The following HCRTR1 variants were observed in gnomAD, a reference collection of about 807,000 sequenced individuals.
The protein encoded by HCRTR1 is orexin/Hypocretin receptor type 1.
In HCRTR1, 28 loss-of-function variants were observed where a neutral mutation model predicts 40.6. The ratio of observed to expected loss-of-function variants is 0.69; its 90% CI spans 0.51 to 0.95. The LOEUF (loss-of-function observed/expected upper bound fraction) is 0.95. Ranked by LOEUF, HCRTR1 falls within the 40% of genes least tolerant of loss-of-function variation. The probability of loss-of-function intolerance (pLI) is 0.00; values close to 1 mark genes in which losing one functional copy is unlikely to be tolerated. For missense variants in HCRTR1, 482 were observed against 564.7 expected (o/e 0.85, Z 1.48); for synonymous variants, 209 against 230.0 (o/e 0.91, Z 0.83).
chr1:31,626,784 AC>A lies in HCRTR1; in HGVS notation c.1088-4del, dbSNP rs1639986032. The A allele has an allele frequency of 1.9e-6, 3 of 1,612,028 alleles. No individual in the cohort carries two copies. The East Asian group carries it at 6.7e-5, about 36-fold the overall frequency. ...TTATGGCTGTGTCTTTTGTCTCCCA[AC>A]CAAGGCAAATTCCGGGAGCAGTTTA... On this transcript the variant is annotated splice_polypyrimidine_tract_variant and splice_region_variant and intron_variant, in intron 8 of 8. Coordinates refer to ENST00000403528, the MANE Select transcript of HCRTR1 (RefSeq NM_001525.3). This position sits in a 1 kb window ranked among gnomAD's most constrained non-coding sequence, Gnocchi z 4.6.
chr1:31,631,831 C>G (rs1301180937), downstream of HCRTR1, among the ~76,000 whole-genome samples: 3 of 152,198 alleles, frequency 2.0e-5, no homozygotes, highest in African/African-American at 4.8e-5. Context: ...CCACAGACCT[C>G]CTTAGTCTGA....
In HCRTR1 at chr1:31,618,877, A is replaced by G; in HGVS notation, c.-143+61A>G. The G allele has an allele frequency of 1.3e-5, 5 of 377,888 alleles. No individual in the cohort carries two copies. The South Asian group carries it at 1.5e-4, about 11-fold the overall frequency. 23.4% of individuals were successfully genotyped at this position (377,888 alleles called of 1,614,324 possible). A position where few individuals can be genotyped will look rare whatever the true frequency, so the allele number is the denominator to read the frequency against. ...AAACCAAGGCTGAAAGAGGCCAGGT[A>G]AGCTACCCAAGGCAACTGGTGTGGA... On this transcript the variant is annotated intron_variant, in intron 2 of 8. Coordinates refer to ENST00000403528, the MANE Select transcript of HCRTR1 (RefSeq NM_001525.3).
At chr1:31,630,889 A>AC (rs1557583307), downstream of HCRTR1, 1 of 1,449,918 alleles carries the variant, frequency 6.9e-7, no homozygotes, top group Admixed American at 1.9e-5. Context: ...ACCTGCCATG[A>AC]GCACCTCCAT....
At position 31,619,323 on chromosome 1, in the gene HCRTR1, A is replaced by C. The variant is rs991617465; in HGVS notation, c.131A>C (p.Gln44Pro). 1.9e-6 allele frequency: 3 copies of C among 1,614,092 alleles called. No homozygotes were observed. In the African/African-American group the frequency reaches 4.0e-5, roughly 22 times the overall value. ...YLWRDYLYPK[Q>P]YEWVLIAAYV... Reference sequence around the variant, plus strand: ...TGGCGCGATTATCTGTACCCAAAACAGTATGAGTGGGTCCTCATCGCAGCC... The same window carrying C: ...TGGCGCGATTATCTGTACCCAAAACCGTATGAGTGGGTCCTCATCGCAGCC... The change falls in exon 3 of 9, where the codon CAG (glutamine) becomes CCG (proline). Residue 44 changes from glutamine to proline, a missense_variant. Coordinates refer to ENST00000403528, the MANE Select transcript of HCRTR1 (RefSeq NM_001525.3).
rs2148612849 is a variant in HCRTR1 at position 31,627,437 on chromosome 1, C to G, written c.*457C>G. 1 of 1,081,638 alleles carries G rather than the reference C, an allele frequency of 9.2e-7. No individual in the cohort carries two copies. The highest frequency in any genetic ancestry group is 1.3e-5 in the South Asian group (1 of 76,868). The allele number at this position is 1,081,638 out of a possible 1,614,324, so 67.0% of individuals were successfully genotyped here. ...TGTTCTGATGCCTGTGTGAACTAAT[C>G]TGGGCCCAGCCTTTCTCCAGCGGGC... On this transcript the variant is annotated 3_prime_UTR_variant, in exon 9 of 9. Coordinates refer to ENST00000403528, the MANE Select transcript of HCRTR1 (RefSeq NM_001525.3).
In HCRTR1 at chr1:31,623,738, T is replaced by G. The variant is rs1365606335; in HGVS notation, c.954T>G (p.Asn318Lys). Residue 318 changes from asparagine to lysine, a missense_variant, in exon 7 of 9, where the codon AAT becomes AAG. Physicochemically the swap from Asn to Lys is moderately conservative, Grantham distance 94. Transcript: ENST00000403528. ...GCTACCTGCCCATCAGCGTCCTCAA[T>G]GTCCTTAAGAGGTGAGAGCACGGGG... ...ALCYLPISVL[N>K]VLKRVFGMFR... The G allele has an allele frequency of 1.9e-6, 3 of 1,613,684 alleles. No homozygotes were observed. The highest frequency in any genetic ancestry group is 1.6e-4 in the Middle Eastern group (1 of 6,062).
intron 6 of HCRTR1, 53 bp downstream of exon 6, chr1:31,621,645 G>A: frequency 1.5e-6 from 2 of 1,298,408 alleles, no homozygotes; most frequent in African/African-American, 1.5e-5. Flanking sequence ...GGCTGGGGGT[G>A]GGAGGGCTAC....
downstream of HCRTR1, among the ~76,000 whole-genome samples, chr1:31,628,097 G>T (rs1387735104): frequency 6.6e-6 from 1 of 152,162 alleles, no homozygotes; most frequent in Non-Finnish European, 1.5e-5. Context: ...AGTGCAGCCT[G>T]AAGTGCTACT....
chr1:31,619,843 C>A (rs1639815052), intron 4 of HCRTR1, 133 bp downstream of exon 4: 2 of 792,602 alleles, frequency 2.5e-6, no homozygotes, highest in African/African-American at 1.7e-5. Flanking sequence ...GAAGTGTCAT[C>A]CTCTGCTGCT....
At chr1:31,632,614 C>A, downstream of HCRTR1, 1 of 1,614,080 alleles carries the variant, frequency 6.2e-7, no homozygotes, top group Non-Finnish European at 8.5e-7. Flanking sequence ...ATCGATGCGG[C>A]CTGACTTGGT....
At position 31,627,566 on chromosome 1, in the gene HCRTR1, G is replaced by C. The variant is rs871634; in HGVS notation, c.*586G>C. On this transcript the variant is annotated 3_prime_UTR_variant, in exon 9 of 9. Transcript: ENST00000403528. ...AAACACTCTCCATGGCCACTTGGCA[G>C]AGAGGCCAGCAGCCCGAAGCAACTG... 0.57 allele frequency: 199,444 copies of C among 347,330 alleles called. 59,532 individuals are homozygous for C. The highest frequency in any genetic ancestry group is 0.63 in the South Asian group (29,265 of 46,152). 21.5% of individuals were successfully genotyped at this position (347,330 alleles called of 1,614,324 possible). A position where few individuals can be genotyped will look rare whatever the true frequency, so the allele number is the denominator to read the frequency against.
Position 31,625,260 on chromosome 1 carries a change from G to A in HCRTR1, c.1087+142G>A, listed in dbSNP as rs1203445847. On this transcript the variant is annotated intron_variant, in intron 8 of 8. Coordinates refer to ENST00000403528, the MANE Select transcript of HCRTR1 (RefSeq NM_001525.3). The surrounding 1 kb of genome is among the most constrained non-coding windows in gnomAD (Gnocchi z 4.2). ...GGGCACAGTGATCCTGCTCTGGGAG[G>A]ACCCACCCCAAGCGGCCCTGGCCTG... 1 of 1,079,072 alleles carries A rather than the reference G, an allele frequency of 9.3e-7. No homozygotes were observed. The highest frequency in any genetic ancestry group is 3.0e-5 in the Admixed American group (1 of 33,416). The allele number at this position is 1,079,072 out of a possible 1,614,324, so 66.8% of individuals were successfully genotyped here.
chr1:31,627,115 T>G lies in HCRTR1; in HGVS notation c.*135T>G. On this transcript the variant is annotated 3_prime_UTR_variant, in exon 9 of 9. Transcript: ENST00000403528. ...GTGACTCTGGATAAGTCACTTCCTC[T>G]GTCTGAGCTTGTGTCCCCTAAGCAG... The G allele has an allele frequency of 7.0e-7, 1 of 1,430,068 alleles. No individual in the cohort carries two copies. The highest frequency in any genetic ancestry group is 9.3e-7 in the Non-Finnish European group (1 of 1,074,738). 88.6% of individuals were successfully genotyped at this position (1,430,068 alleles called of 1,614,324 possible). A position where few individuals can be genotyped will look rare whatever the true frequency, so the allele number is the denominator to read the frequency against.
chr1:31,633,397 A>G, downstream of HCRTR1: 2 of 1,405,912 alleles, frequency 1.4e-6, no homozygotes, highest in Non-Finnish European at 1.9e-6. Context: ...GGTTTCTCCT[A>G]CACACGAAGC....
chr1:31,620,057 C>A (rs1367031305), intron 4 of HCRTR1, among the ~76,000 whole-genome samples: 1 of 152,220 alleles, frequency 6.6e-6, no homozygotes, highest in African/African-American at 2.4e-5. Context: ...GGCCTGCTCC[C>A]CAATCCCAAA....
downstream of HCRTR1, among the ~76,000 whole-genome samples, chr1:31,633,885 G>A (rs1300886709): frequency 3.9e-5 from 6 of 151,912 alleles, no homozygotes; most frequent in African/African-American, 1.2e-4. Flanking sequence ...AACCCGGGAG[G>A]TGGAGGTTGT....
rs372708571 is a variant in HCRTR1, at chr1:31,625,146, T to C, written c.1087+28T>C. ...GAGCAGGCTGGGGATGCAAAATGAC[T>C]GAGGGTGGCCAACAGTCCACATGAC... On this transcript the variant is annotated intron_variant, in intron 8 of 8. Transcript: ENST00000403528. The surrounding 1 kb of genome is among the most constrained non-coding windows in gnomAD (Gnocchi z 4.2). 49 of 1,575,694 alleles carry C rather than the reference T, an allele frequency of 3.1e-5. No homozygotes were observed. Among genetic ancestry groups the C allele is most frequent in the Non-Finnish European group, 3.6e-5 (42 of 1,156,532 alleles).
chr1:31,623,776 G>A, intron 7 of HCRTR1, 27 bp downstream of exon 7: 1 of 1,577,966 alleles, frequency 6.3e-7, no homozygotes, highest in South Asian at 1.1e-5. Flanking sequence ...TGGTTGGGGT[G>A]GGGAGAAGTT....
downstream of HCRTR1, among the ~76,000 whole-genome samples, chr1:31,631,345 G>A (rs955156469): frequency 6.6e-6 from 1 of 152,176 alleles, no homozygotes; most frequent in African/African-American, 2.4e-5. Context: ...ATTAAAACGG[G>A]TGATCATGTA....
Sources: gnomAD v4.1 joint callset for allele counts (sites outside exome capture counted in the v4.1 genomes callset) on GRCh38, gnomAD v4.1.1 for gene constraint, Gnocchi (gnomAD v3.1) non-coding constraint, MANE v1.5 for transcripts, NCBI Gene and HGNC (gene_info 2026-07-23, HGNC 2026-07-21) for gene names.